Variants in MAST4 observed in about 807,000 individuals in gnomAD.
MAST4 encodes the protein microtubule associated serine/threonine kinase family member 4, also known as microtubule-associated serine/threonine-protein kinase 4.
A neutral mutation model predicts 162.7 loss-of-function variants in MAST4; 89 were observed. The observed-to-expected ratio is 0.55, with a 90% CI of 0.46 to 0.65. The LOEUF (loss-of-function observed/expected upper bound fraction) is 0.65. MAST4 is among the 30% of genes least tolerant of loss of function. The pLI, the probability that MAST4 is intolerant of heterozygous loss-of-function variation, is 0.00. For missense variants in MAST4, 3,153 were observed against 3,374.0 expected (o/e 0.93, Z 1.62); for synonymous variants, 1,479 against 1,361.1 (o/e 1.09, Z -1.91).
At chr5:67,019,708 T>G (rs3857275) in intron 4 of MAST4, among the ~76,000 whole-genome samples, 1 of 151,934 alleles carries the variant, frequency 6.6e-6, no homozygotes, top group African/African-American at 2.4e-5. Flanking sequence ...TAATTGAAAC[T>G]TTTTTTTAAA....
At chr5:67,078,714 T>C (rs1302196515) in intron 5 of MAST4, among the ~76,000 whole-genome samples, 3 of 121,712 alleles carry the variant, frequency 2.5e-5, no homozygotes, top group Middle Eastern at 4.2e-3. Flanking sequence ...ATAATATTTA[T>C]TTATATTATA....
At chr5:66,603,054 G>T (rs76015269) in intron 1 of MAST4, among the ~76,000 whole-genome samples, 1 of 152,280 alleles carries the variant, frequency 6.6e-6, no homozygotes, top group Admixed American at 6.5e-5. Flanking sequence ...GCAGGGTATT[G>T]GTACCATCAG....
intron 7 of MAST4, among the ~76,000 whole-genome samples, chr5:67,098,953 T>C (rs1764732609): frequency 6.6e-6 from 1 of 152,158 alleles, no homozygotes; most frequent in African/African-American, 2.4e-5. Flanking sequence ...TTTAAACAGC[T>C]TCCCATCAGT....
intron 4 of MAST4, among the ~76,000 whole-genome samples, chr5:67,051,124 A>G (rs548626589): frequency 6.6e-6 from 1 of 152,184 alleles, no homozygotes; most frequent in East Asian, 1.9e-4. Context: ...CTACAGGAGA[A>G]GTAGTATTCA....
Position 67,142,507 on chromosome 5 carries a change from T to A in MAST4, c.2704T>A (p.Ser902Thr), listed in dbSNP as rs758055896. ...EDFNVEIRQF[S>T]SCSHRFSKVF... ...CTTTAATGTGGAAATAAGGCAGTTT[T>A]CTTCATGTTCACACAGGTTTTCAAA... Residue 902 changes from serine (S) to threonine (T), a missense_variant, in exon 21 of 29, where the codon TCT becomes ACT. By Grantham distance (58) the Ser-to-Thr change is moderately conservative. Around this residue, in one of 7 missense-constraint regions of MAST4, gnomAD observed 619 missense variants for 744.2 expected, o/e 0.83. Transcript: ENST00000403625. 20 of 1,587,306 alleles carry A rather than the reference T, an allele frequency of 1.3e-5. No individual in the cohort carries two copies. The highest frequency in any genetic ancestry group is 1.7e-5 in the Non-Finnish European group (20 of 1,165,710).
At chr5:67,108,812 G>C (rs534795682) in intron 10 of MAST4, among the ~76,000 whole-genome samples, 1 of 152,080 alleles carries the variant, frequency 6.6e-6, no homozygotes, top group Non-Finnish European at 1.5e-5. Context: ...CTTTTCATGG[G>C]GTACGGGATT....
At chr5:66,732,767 T>G (rs1751933118) in intron 1 of MAST4, among the ~76,000 whole-genome samples, 1 of 152,206 alleles carries the variant, frequency 6.6e-6, no homozygotes, top group African/African-American at 2.4e-5. Flanking sequence ...TTCTACCTCA[T>G]GAGGAAAATA....
intron 1 of MAST4, among the ~76,000 whole-genome samples, chr5:66,604,686 T>G (rs1742765536): frequency 6.6e-6 from 1 of 152,146 alleles, no homozygotes. Flanking sequence ...AAGCTGAGAA[T>G]TTAGGTGTGT....
chr5:67,132,305 C>T (rs961946908), intron 16 of MAST4, among the ~76,000 whole-genome samples: 2 of 152,026 alleles, frequency 1.3e-5, no homozygotes, highest in Non-Finnish European at 2.9e-5. Flanking sequence ...AGGTATTTAT[C>T]CTAATGTTAT....
intron 5 of MAST4, among the ~76,000 whole-genome samples, chr5:67,061,627 A>C (rs1759615821): frequency 6.6e-6 from 1 of 150,630 alleles, no homozygotes; most frequent in Admixed American, 6.6e-5. Flanking sequence ...GTTGTTATGT[A>C]TAGTTGTACA....
intron 26 of MAST4, among the ~76,000 whole-genome samples, chr5:67,158,982 C>T (rs542072871): frequency 7.2e-5 from 11 of 152,188 alleles, no homozygotes; most frequent in African/African-American, 1.9e-4. Flanking sequence ...TGCAGTGAGC[C>T]GAGATCGTGC....
chr5:66,708,195 G>A lies in MAST4; in HGVS notation c.364-51514G>A, dbSNP rs191838713. 6.5e-3 allele frequency among the ~76,000 whole-genome samples: 987 copies of A among 152,290 alleles called. 2 individuals are homozygous for A. Among genetic ancestry groups the A allele is most frequent in the South Asian group, 0.029 (141 of 4,818 alleles). On this transcript the variant is annotated intron_variant, in intron 1 of 28. Coordinates refer to ENST00000403625, the MANE Select transcript of MAST4 (RefSeq NM_001164664.2). Reference sequence around the variant, plus strand: ...TGTGTCTTGCTTGCTTTTATTTGCGGAAAGAGTGCGGGACTTGGAGTTGGA... The same window carrying A: ...TGTGTCTTGCTTGCTTTTATTTGCGAAAAGAGTGCGGGACTTGGAGTTGGA...
intron 3 of MAST4, among the ~76,000 whole-genome samples, chr5:66,883,842 T>C (rs747894068): frequency 2.8e-4 from 43 of 152,254 alleles, no homozygotes; most frequent in Non-Finnish European, 5.4e-4. Flanking sequence ...TGTTTATTTC[T>C]TTAGCGATTT....
chr5:66,677,297 C>T (rs556313354), intron 1 of MAST4, among the ~76,000 whole-genome samples: 6 of 152,300 alleles, frequency 3.9e-5, no homozygotes, highest in East Asian at 3.9e-4. Context: ...CAAGTTACAA[C>T]GGCAATCACC....
rs922570885 is a variant in MAST4, at chr5:66,755,022, G to C, written c.364-4687G>C. 2.6e-5 allele frequency among the ~76,000 whole-genome samples: 4 copies of C among 152,254 alleles called. No individual in the cohort carries two copies. The East Asian group carries it at 7.7e-4, about 29-fold the overall frequency. Reference sequence around the variant, plus strand: ...TGGAGTGGCAGGAGCTGGGACTAGAGAGAAGGACTCCAGCTGTGGAATTGG... The same window carrying C: ...TGGAGTGGCAGGAGCTGGGACTAGACAGAAGGACTCCAGCTGTGGAATTGG... On this transcript the variant is annotated intron_variant, in intron 1 of 28. Coordinates refer to ENST00000403625, the MANE Select transcript of MAST4 (RefSeq NM_001164664.2).
At position 67,096,515 on chromosome 5, in the gene MAST4, A is replaced by T. The variant is rs189964409; in HGVS notation, c.912+840A>T. 4.6e-5 allele frequency among the ~76,000 whole-genome samples: 7 copies of T among 152,200 alleles called. No homozygotes were observed. The East Asian group carries it at 1.3e-3, about 29-fold the overall frequency. ...AAAATCTCTGGTTTATTGTTTAGGG[A>T]TATCCATCTATTGTATTTTTGATAG... On this transcript the variant is annotated intron_variant, in intron 7 of 28. Transcript: ENST00000403625.
intron 4 of MAST4, among the ~76,000 whole-genome samples, chr5:66,980,941 C>T (rs530967779): frequency 3.2e-4 from 48 of 152,186 alleles, no homozygotes; most frequent in South Asian, 1.0e-3. Flanking sequence ...CCCTCTTACC[C>T]GAGGAAGTGA....
intron 1 of MAST4, among the ~76,000 whole-genome samples, chr5:66,637,254 T>TG (rs397700774): frequency 2.6e-5 from 4 of 151,722 alleles, no homozygotes; most frequent in African/African-American, 9.7e-5. Context: ...TTTTTTTTTT[T>TG]AATGTTGCAG....
intron 3 of MAST4, among the ~76,000 whole-genome samples, chr5:66,853,108 T>C (rs1435173405): frequency 6.6e-6 from 1 of 152,258 alleles, no homozygotes; most frequent in African/African-American, 2.4e-5. Flanking sequence ...CCATGACTGG[T>C]AGAGTCAAGT....
Sources: allele counts gnomAD v4.1 joint callset (sites outside exome capture counted in the v4.1 genomes callset), GRCh38; gene constraint gnomAD v4.1.1; regional missense constraint gnomAD v4.1.1; transcripts MANE v1.5; gene names NCBI Gene and HGNC (gene_info 2026-07-23, HGNC 2026-07-21).